Variants in PREX2 observed in about 807,000 individuals in gnomAD.
The protein encoded by PREX2 is phosphatidylinositol-3,4,5-trisphosphate dependent Rac exchange factor 2.
In PREX2, 107 loss-of-function variants were observed where a neutral mutation model predicts 203.2. The observed-to-expected ratio is 0.53, with a 90% CI of 0.45 to 0.62. PREX2 has a LOEUF of 0.62. Among genes scored for constraint, PREX2 ranks in the 20% least tolerant of loss-of-function variants. The probability of loss-of-function intolerance (pLI) is 0.00; values close to 1 mark genes in which losing one functional copy is unlikely to be tolerated. For missense variants in PREX2, 1,777 were observed against 1,955.9 expected (o/e 0.91, Z 1.72); for synonymous variants, 672 against 663.6 (o/e 1.01, Z -0.19).
At chr8:68,087,235 C>T (rs966140189) in intron 18 of PREX2, among the ~76,000 whole-genome samples, 4 of 152,094 alleles carry the variant, frequency 2.6e-5, no homozygotes, top group Non-Finnish European at 4.4e-5. Flanking sequence ...TTCAAGGCTA[C>T]GTTTAAGCAG....
At chr8:67,969,510 A>G (rs1805865123) in intron 1 of PREX2, among the ~76,000 whole-genome samples, 1 of 152,122 alleles carries the variant, frequency 6.6e-6, no homozygotes, top group Admixed American at 6.6e-5. Context: ...ATTAGGACCA[A>G]AATTATAACC....
chr8:67,975,694 C>CT (rs67614434), intron 1 of PREX2, among the ~76,000 whole-genome samples: 28,697 of 74,364 alleles, frequency 0.39, 10,326 homozygotes, highest in Non-Finnish European at 0.45. Context: ...ATTTCTCTTT[C>CT]TTTTTTTTTT....
Position 68,192,414 on chromosome 8 carries a change from G to C in PREX2, c.4493G>C (p.Cys1498Ser). 6.2e-7 allele frequency: 1 copy of C among 1,614,082 alleles called. No homozygotes were observed. The highest frequency in any genetic ancestry group is 8.5e-7 in the Non-Finnish European group (1 of 1,179,984). ...SFIRSKRTAACANTACSASGV... is the reference protein window; with the variant it reads ...SFIRSKRTAASANTACSASGV... ...ATCAGATCCAAGCGCACAGCTGCCT[G>C]TGCAAACACAGCTTGCAGTGCTTCT... Residue 1498 changes from cysteine (C) to serine (S), a missense_variant, in exon 37 of 40, where the codon TGT becomes TCT. Cys to Ser is a moderately radical substitution (Grantham distance 112). Coordinates refer to ENST00000288368, the MANE Select transcript of PREX2 (RefSeq NM_024870.4).
intron 22 of PREX2, among the ~76,000 whole-genome samples, chr8:68,098,344 G>A (rs987693776): frequency 6.6e-6 from 1 of 152,002 alleles, no homozygotes; most frequent in African/African-American, 2.4e-5. Context: ...AATTTTAGTG[G>A]GAGGAAGTAA....
intron 6 of PREX2, among the ~76,000 whole-genome samples, chr8:68,037,135 A>G (rs1006996073): frequency 1.3e-5 from 2 of 152,206 alleles, no homozygotes; most frequent in East Asian, 3.8e-4. Context: ...TTGTGGAAAT[A>G]TGAAATTTAA....
intron 1 of PREX2, among the ~76,000 whole-genome samples, chr8:68,001,103 T>C (rs1379476176): frequency 6.6e-6 from 1 of 152,178 alleles, no homozygotes; most frequent in African/African-American, 2.4e-5. Flanking sequence ...ACAAATAGGA[T>C]GTAATTAAAC....
chr8:67,967,150 G>A (rs1332666916), intron 1 of PREX2, among the ~76,000 whole-genome samples: 3 of 152,114 alleles, frequency 2.0e-5, no homozygotes, highest in Non-Finnish European at 4.4e-5. Context: ...ACCTTAACAG[G>A]CAATATCCAG....
At chr8:68,037,400 T>C (rs1286169050) in intron 6 of PREX2, among the ~76,000 whole-genome samples, 1 of 152,174 alleles carries the variant, frequency 6.6e-6, no homozygotes, top group African/African-American at 2.4e-5. Context: ...TGGCTCAAAA[T>C]AGACATTTCT....
intron 25 of PREX2, among the ~76,000 whole-genome samples, chr8:68,115,202 T>G (rs1465143966): frequency 1.3e-5 from 2 of 151,822 alleles, no homozygotes; most frequent in Admixed American, 6.6e-5. Flanking sequence ...TAATTTTGTA[T>G]TTTTTAGTAG....
chr8:68,152,820 C>T (rs1057391843), intron 34 of PREX2, among the ~76,000 whole-genome samples: 63 of 152,298 alleles, frequency 4.1e-4, no homozygotes, highest in African/African-American at 1.3e-3. Flanking sequence ...AAAGCTTCTG[C>T]AGGCATCTCA....
chr8:68,137,731 G>A (rs1811140703), intron 32 of PREX2, among the ~76,000 whole-genome samples: 1 of 152,162 alleles, frequency 6.6e-6, no homozygotes, highest in Non-Finnish European at 1.5e-5. Flanking sequence ...TGACATCACT[G>A]AGACACACAC....
chr8:68,190,545 G>C (rs1255170797), intron 35 of PREX2, among the ~76,000 whole-genome samples: 1 of 151,836 alleles, frequency 6.6e-6, no homozygotes, highest in Non-Finnish European at 1.5e-5. Flanking sequence ...AGATACTGAG[G>C]GTTGAAAAGC....
intron 35 of PREX2, among the ~76,000 whole-genome samples, chr8:68,167,006 G>A (rs960272113): frequency 1.3e-5 from 2 of 152,276 alleles, no homozygotes; most frequent in Middle Eastern, 3.4e-3. Flanking sequence ...TAAAGCATTT[G>A]TAGAGAACTT....
intron 37 of PREX2, among the ~76,000 whole-genome samples, chr8:68,208,601 G>C (rs576884244): frequency 1.9e-4 from 29 of 152,198 alleles, no homozygotes; most frequent in South Asian, 1.5e-3. Context: ...ATGGGACCAC[G>C]AGAAAAGCAG....
intron 8 of PREX2, among the ~76,000 whole-genome samples, chr8:68,048,237 A>G (rs1447258123): frequency 1.3e-5 from 2 of 152,056 alleles, no homozygotes; most frequent in Non-Finnish European, 2.9e-5. Context: ...CTTAAAGGCA[A>G]TAGTTGGAAA....
At chr8:68,161,746 T>C (rs1173368937) in intron 35 of PREX2, among the ~76,000 whole-genome samples, 1 of 152,224 alleles carries the variant, frequency 6.6e-6, no homozygotes, top group African/African-American at 2.4e-5. Flanking sequence ...CATCGTATTT[T>C]CTTTATATGT....
Position 68,083,398 on chromosome 8 carries a change from A to G in PREX2, c.2027+10A>G, listed in dbSNP as rs1030753. The G allele has an allele frequency of 0.54, 853,088 of 1,581,266 alleles. 231,563 individuals are homozygous for G. The highest frequency in any genetic ancestry group is 0.56 in the South Asian group (48,768 of 86,920). ...GCACAAAGCCAAGAGAGTAAGTTGT[A>G]TGATTTATGTGTGATTTTTTAAAAG... On this transcript the variant is annotated intron_variant, in intron 18 of 39. Coordinates refer to ENST00000288368, the MANE Select transcript of PREX2 (RefSeq NM_024870.4).
At chr8:68,065,448 A>G (rs1194083178) in intron 11 of PREX2, among the ~76,000 whole-genome samples, 1 of 152,224 alleles carries the variant, frequency 6.6e-6, no homozygotes, top group Non-Finnish European at 1.5e-5. Context: ...AAAAGATACC[A>G]AAAAGCTGTA....
At chr8:68,177,162 A>ATC (rs1390282411) in intron 35 of PREX2, 2 of 152,448 alleles carry the variant, frequency 1.3e-5, no homozygotes. Flanking sequence ...TTTGAAAAGT[A>ATC]TCACAGTCAG....
Sources: allele counts gnomAD v4.1 joint callset (sites outside exome capture counted in the v4.1 genomes callset), GRCh38; gene constraint gnomAD v4.1.1; transcripts MANE v1.5; gene names NCBI Gene and HGNC (gene_info 2026-07-23, HGNC 2026-07-21).